FGF14: variants seen among roughly 807,000 people sequenced by gnomAD.
FGF14 encodes the protein fibroblast growth factor 14, also known as fibroblast growth factor homologous factor 4.
Under a neutral mutation model 25.5 loss-of-function variants are expected in FGF14, and 5 were observed. That is an observed-to-expected ratio of 0.20 (90% CI 0.10 to 0.41). The LOEUF (loss-of-function observed/expected upper bound fraction) is 0.41, where lower values mean the gene tolerates loss of function less well. Among genes scored for constraint, FGF14 ranks in the 10% least tolerant of loss-of-function variants. The pLI, the probability that FGF14 is intolerant of heterozygous loss-of-function variation, is 1.00. For synonymous variants in FGF14, 138 were observed against 118.3 expected, an observed-to-expected ratio of 1.17 and a Z score of -1.08; for missense variants, 222 against 320.1, an observed-to-expected ratio of 0.69 and a Z score of 2.34.
chr13:101,963,260 A>G (rs970255860), intron 1 of FGF14, among the ~76,000 whole-genome samples: 2 of 152,228 alleles, frequency 1.3e-5, no homozygotes, highest in African/African-American at 4.8e-5. Context: ...CTATTCTAGA[A>G]ATGTTAATTC....
intron 1 of FGF14, among the ~76,000 whole-genome samples, chr13:102,041,176 T>A (rs779843046): frequency 6.6e-5 from 10 of 152,124 alleles, no homozygotes; most frequent in Non-Finnish European, 1.5e-4. Flanking sequence ...ACATATTTTT[T>A]AAAAATTTAA....
In FGF14 at chr13:102,254,275, G is replaced by A. The variant is rs184166550; in HGVS notation, c.208+147196C>T. Among the ~76,000 whole-genome samples, 133 of 152,326 alleles carry A rather than the reference G, an allele frequency of 8.7e-4. 3 individuals carry two copies. The highest frequency in any genetic ancestry group is 2.9e-3 in the African/African-American group (122 of 41,578). On this transcript the variant is annotated intron_variant, in intron 1 of 4. Transcript: ENST00000376131. Reference sequence around the variant, plus strand: ...ATGGCACAAACTCACAATGCAGGTTGTCTGTGAGGGTTCGGCCATTGTCCC... The same window carrying A: ...ATGGCACAAACTCACAATGCAGGTTATCTGTGAGGGTTCGGCCATTGTCCC...
intron 1 of FGF14, among the ~76,000 whole-genome samples, chr13:102,245,776 A>G (rs2051834655): frequency 6.6e-6 from 1 of 152,078 alleles, no homozygotes; most frequent in South Asian, 2.1e-4. Context: ...AACAGTTATG[A>G]GAATTGAGAT....
intron 1 of FGF14, among the ~76,000 whole-genome samples, chr13:102,180,045 T>C (rs1392708287): frequency 1.3e-5 from 2 of 152,146 alleles, no homozygotes; most frequent in Non-Finnish European, 2.9e-5. Flanking sequence ...AAAAAAAATC[T>C]AATGCATTTC....
At chr13:102,103,821 A>C (rs2044774563) in intron 1 of FGF14, among the ~76,000 whole-genome samples, 1 of 152,160 alleles carries the variant, frequency 6.6e-6, no homozygotes, top group African/African-American at 2.4e-5. Context: ...GAAGTCACTG[A>C]CCATCAAGAA....
intron 1 of FGF14, among the ~76,000 whole-genome samples, chr13:102,237,505 T>C (rs577404657): frequency 6.6e-5 from 10 of 151,868 alleles, no homozygotes; most frequent in African/African-American, 2.2e-4. Flanking sequence ...TGAACATCTG[T>C]TACTTTGGTG....
chr13:102,222,643 T>C (rs1443072855), intron 1 of FGF14, among the ~76,000 whole-genome samples: 10 of 152,186 alleles, frequency 6.6e-5, no homozygotes, highest in African/African-American at 1.9e-4. Context: ...CAGAATAGCT[T>C]GTTCTACTAC....
intron 3 of FGF14, among the ~76,000 whole-genome samples, chr13:101,774,189 T>C (rs2038953254): frequency 6.6e-6 from 1 of 152,118 alleles, no homozygotes; most frequent in Admixed American, 6.6e-5. Context: ...AACAGAGCTG[T>C]CTCCAAATAT....
At chr13:101,861,701 G>T (rs1054971711) in intron 3 of FGF14, among the ~76,000 whole-genome samples, 7 of 151,972 alleles carry the variant, frequency 4.6e-5, no homozygotes, top group Admixed American at 3.3e-4. Context: ...AGATCACACA[G>T]AACCCCTGCC....
chr13:102,135,588 TATA>T (rs2140431794), intron 1 of FGF14, among the ~76,000 whole-genome samples: 1 of 152,358 alleles, frequency 6.6e-6, no homozygotes, highest in East Asian at 1.9e-4. Flanking sequence ...TAATGGAGTT[TATA>T]ATATTTGGAA....
intron 1 of FGF14, among the ~76,000 whole-genome samples, chr13:102,139,895 G>A (rs1238582970): frequency 6.6e-6 from 1 of 152,140 alleles, no homozygotes; most frequent in African/African-American, 2.4e-5. Context: ...TGCCTTCCAG[G>A]GGTGCCTGAT....
intron 1 of FGF14, among the ~76,000 whole-genome samples, chr13:102,112,538 AC>A: frequency 6.6e-6 from 1 of 152,328 alleles, no homozygotes; most frequent in Non-Finnish European, 1.5e-5. Flanking sequence ...TTTTGAATTA[AC>A]CATTTATTCA....
chr13:101,841,148 T>C (rs1566962776), intron 3 of FGF14, among the ~76,000 whole-genome samples: 2 of 151,818 alleles, frequency 1.3e-5, no homozygotes, highest in African/African-American at 4.8e-5. Context: ...TCCTTTGATT[T>C]AAAAAAAACT....
chr13:102,312,396 A>C (rs2055817884), intron 1 of FGF14, among the ~76,000 whole-genome samples: 1 of 152,188 alleles, frequency 6.6e-6, no homozygotes, highest in South Asian at 2.1e-4. Flanking sequence ...TCTTACAACA[A>C]ACTTTGGAAG....
At chr13:102,314,782 T>C (rs1355243712) in intron 1 of FGF14, among the ~76,000 whole-genome samples, 1 of 152,112 alleles carries the variant, frequency 6.6e-6, no homozygotes, top group Non-Finnish European at 1.5e-5. Context: ...TTCAGGAATT[T>C]CCTGCAAAGC....
chr13:101,976,919 G>T (rs2037963182), intron 1 of FGF14, among the ~76,000 whole-genome samples: 1 of 152,140 alleles, frequency 6.6e-6, no homozygotes, highest in African/African-American at 2.4e-5. Flanking sequence ...TTATGAGTTT[G>T]CTGTGGTGCC....
intron 3 of FGF14, among the ~76,000 whole-genome samples, chr13:101,753,298 GAC>G (rs3064705): frequency 0.68 from 98,617 of 145,684 alleles, 34,118 homozygotes; most frequent in East Asian, 0.84. Context: ...CACACAGACA[GAC>G]ACACACACAC....
intron 1 of FGF14, among the ~76,000 whole-genome samples, chr13:102,362,555 C>T (rs1199466114): frequency 6.6e-6 from 1 of 152,138 alleles, no homozygotes; most frequent in East Asian, 1.9e-4. Context: ...AGGATAACTG[C>T]AATATGAACA....
chr13:102,085,011 G>A (rs544778746), intron 1 of FGF14, among the ~76,000 whole-genome samples: 1 of 152,272 alleles, frequency 6.6e-6, no homozygotes, highest in East Asian at 1.9e-4. Flanking sequence ...GACTGTCCCT[G>A]AAATTATCTT....
Sources: allele counts gnomAD v4.1 joint callset (sites outside exome capture counted in the v4.1 genomes callset), GRCh38; gene constraint gnomAD v4.1.1; transcripts MANE v1.5; gene names NCBI Gene and HGNC (gene_info 2026-07-23, HGNC 2026-07-21).